KIAA1328: variants seen among roughly 807,000 people sequenced by gnomAD.
KIAA1328 encodes the protein KIAA1328, also known as protein hinderin.
Under a neutral mutation model 68.1 loss-of-function variants are expected in KIAA1328, and 52 were observed. The ratio of observed to expected loss-of-function variants is 0.76; its 90% confidence interval spans 0.61 to 0.96. The LOEUF (loss-of-function observed/expected upper bound fraction) is 0.96, where lower values mean the gene tolerates loss of function less well. Among genes scored for constraint, KIAA1328 ranks in the 40% least tolerant of loss-of-function variants. KIAA1328 has a pLI of 0.00. For synonymous variants in KIAA1328, 232 were observed against 239.4 expected (o/e 0.97, Z 0.28); for missense variants, 641 against 677.6 (o/e 0.95, Z 0.60).
At chr18:36,841,433 A>G (rs977695678) in intron 3 of KIAA1328, among the ~76,000 whole-genome samples, 1 of 151,294 alleles carries the variant, frequency 6.6e-6, no homozygotes, top group African/African-American at 2.4e-5. Context: ...AACACCATCT[A>G]CTGGGAAGAG....
intron 7 of KIAA1328, among the ~76,000 whole-genome samples, chr18:37,097,445 G>A (rs2057448052): frequency 6.6e-6 from 1 of 152,046 alleles, no homozygotes; most frequent in Non-Finnish European, 1.5e-5. Flanking sequence ...CTCTGTTTTG[G>A]TACCAGTACC....
At chr18:36,920,110 G>A (rs974823387) in intron 5 of KIAA1328, among the ~76,000 whole-genome samples, 8 of 151,978 alleles carry the variant, frequency 5.3e-5, no homozygotes, top group African/African-American at 9.7e-5. Flanking sequence ...GTAGGAACTC[G>A]GTCATAATTT....
rs1236464177 is a variant in KIAA1328, at chr18:36,835,111, T to C, written c.95-123T>C. ...ATTAAGAGCTTTAAAATTAAGTTTA[T>C]AAAGTAAGAGAGTTTCCTCCATCAG... On this transcript the variant is annotated intron_variant, in intron 2 of 9. Transcript: ENST00000280020. 6 of 646,228 alleles carry C rather than the reference T, an allele frequency of 9.3e-6. No homozygotes were observed. In the South Asian group the frequency reaches 1.4e-4, roughly 15 times the overall value. The allele number at this position is 646,228 out of a possible 1,614,324, so 40.0% of individuals were successfully genotyped here.
chr18:36,873,862 A>G (rs1160511194), intron 4 of KIAA1328, among the ~76,000 whole-genome samples: 1 of 151,984 alleles, frequency 6.6e-6, no homozygotes, highest in Non-Finnish European at 1.5e-5. Flanking sequence ...TACAGGCCAC[A>G]GTGTGTGATG....
At chr18:37,082,166 ATTTTT>A (rs34106395) in intron 7 of KIAA1328, among the ~76,000 whole-genome samples, 15 of 100,428 alleles carry the variant, frequency 1.5e-4, no homozygotes, top group Middle Eastern at 6.0e-3. Context: ...TGCCCCAAGG[ATTTTT>A]TTTTTTTTTT....
At chr18:36,850,760 A>G (rs1257433423) in intron 4 of KIAA1328, among the ~76,000 whole-genome samples, 1 of 152,110 alleles carries the variant, frequency 6.6e-6, no homozygotes, top group Non-Finnish European at 1.5e-5. Context: ...CCAAAGGATG[A>G]TTCATGTCCC....
chr18:37,199,390 C>G (rs1405323414), intron 9 of KIAA1328, among the ~76,000 whole-genome samples: 1 of 152,118 alleles, frequency 6.6e-6, no homozygotes, highest in Non-Finnish European at 1.5e-5. Flanking sequence ...GGATAATGGC[C>G]TCCAGCTTCA....
At chr18:37,183,846 T>C (rs2059743357) in intron 9 of KIAA1328, among the ~76,000 whole-genome samples, 2 of 152,226 alleles carry the variant, frequency 1.3e-5, no homozygotes, top group Admixed American at 1.3e-4. Flanking sequence ...TCTACCTCTC[T>C]TTCTCATCTG....
intron 4 of KIAA1328, among the ~76,000 whole-genome samples, chr18:36,845,645 G>A (rs564736166): frequency 3.3e-5 from 5 of 151,802 alleles, no homozygotes; most frequent in Admixed American, 6.6e-5. Context: ...AGAAGAGAAC[G>A]TGATGGGTAA....
intron 6 of KIAA1328, among the ~76,000 whole-genome samples, chr18:37,040,190 A>G (rs1257335193): frequency 2.6e-5 from 4 of 152,194 alleles, no homozygotes; most frequent in Non-Finnish European, 5.9e-5. Flanking sequence ...TTGCCATGTG[A>G]TGCAATGTAA....
intron 5 of KIAA1328, among the ~76,000 whole-genome samples, chr18:36,915,057 A>G (rs980463672): frequency 6.6e-6 from 1 of 152,210 alleles, no homozygotes; most frequent in African/African-American, 2.4e-5. Context: ...TCTTTATGGA[A>G]AGTTAAAGGA....
At chr18:37,004,265 G>C (rs1200340864) in intron 6 of KIAA1328, among the ~76,000 whole-genome samples, 1 of 151,906 alleles carries the variant, frequency 6.6e-6, no homozygotes, top group East Asian at 1.9e-4. Context: ...ATTTCTTTCA[G>C]CAGTGTTTGT....
chr18:37,110,347 G>A (rs981953744), intron 7 of KIAA1328, among the ~76,000 whole-genome samples: 1 of 152,188 alleles, frequency 6.6e-6, no homozygotes, highest in African/African-American at 2.4e-5. Flanking sequence ...AAAATAGATA[G>A]AAGCCAAAAG....
rs1181517917 is a variant in KIAA1328 at position 37,028,831 on chromosome 18, T to C, written c.577-38059T>C. Among the ~76,000 whole-genome samples, 4 of 152,208 alleles carry C rather than the reference T, an allele frequency of 2.6e-5. No homozygotes were observed. In the East Asian group the frequency reaches 7.7e-4, roughly 29 times the overall value. ...ATGTGATGAATCGTATGTATTAAGT[T>C]GCATATGTTGAACCAACCTTGTATT... On this transcript the variant is annotated intron_variant, in intron 6 of 9. Coordinates refer to ENST00000280020, the MANE Select transcript of KIAA1328 (RefSeq NM_020776.3).
At chr18:36,829,217 A>G (rs2150737260) in intron 1 of KIAA1328, 21 bp downstream of exon 1, 1 of 1,501,272 alleles carries the variant, frequency 6.7e-7, no homozygotes, top group Admixed American at 2.2e-5. Context: ...CCCGCCTGAC[A>G]GGGGGCGCCG....
intron 6 of KIAA1328, among the ~76,000 whole-genome samples, chr18:37,002,239 T>C (rs1430233674): frequency 1.4e-5 from 2 of 146,648 alleles, no homozygotes; most frequent in South Asian, 2.2e-4. Flanking sequence ...TTTTTTTTTT[T>C]TTTTTTTTTG....
At chr18:37,075,277 A>G (rs1419192789) in intron 7 of KIAA1328, 1 of 152,184 alleles carries the variant, frequency 6.6e-6, no homozygotes, top group Non-Finnish European at 1.5e-5. Context: ...CAGACAAGCA[A>G]ATGCTGAGAG....
chr18:37,146,093 G>A (rs1683482), intron 7 of KIAA1328, among the ~76,000 whole-genome samples: 40,059 of 150,382 alleles, frequency 0.27, 8,241 homozygotes, highest in African/African-American at 0.58. Flanking sequence ...TTTTTTTTTC[G>A]GTTTTTAAAC....
chr18:36,952,190 C>T (rs1250084605), intron 5 of KIAA1328, among the ~76,000 whole-genome samples: 1 of 152,114 alleles, frequency 6.6e-6, no homozygotes, highest in Non-Finnish European at 1.5e-5. Flanking sequence ...TACTGCACAG[C>T]CTACCTACCT....
Sources: gnomAD v4.1 joint callset for allele counts (sites outside exome capture counted in the v4.1 genomes callset) on GRCh38, gnomAD v4.1.1 for gene constraint, MANE v1.5 for transcripts, NCBI Gene and HGNC (gene_info 2026-07-23, HGNC 2026-07-21) for gene names.